SNX24: variants seen among roughly 807,000 people sequenced by gnomAD.
SNX24 encodes the protein sorting nexin 24.
A neutral mutation model predicts 28.7 loss-of-function variants in SNX24; 22 were observed. The ratio of observed to expected loss-of-function variants is 0.77; its 90% CI spans 0.55 to 1.10. The LOEUF (loss-of-function observed/expected upper bound fraction) is 1.10, where lower values mean the gene tolerates loss of function less well. SNX24 is among the 50% of genes least tolerant of loss of function. The probability of loss-of-function intolerance (pLI) is 0.00; values close to 1 mark genes in which losing one functional copy is unlikely to be tolerated. For missense variants in SNX24, 221 were observed against 201.1 expected (o/e 1.10, Z -0.60); for synonymous variants, 69 against 71.5 (o/e 0.96, Z 0.18).
chr5:122,900,810 T>G (rs1757409012), intron 1 of SNX24, among the ~76,000 whole-genome samples: 1 of 151,954 alleles, frequency 6.6e-6, no homozygotes, highest in African/African-American at 2.4e-5. Flanking sequence ...AGGGAAAGGA[T>G]AAAATGTTTT....
intron 3 of SNX24, among the ~76,000 whole-genome samples, chr5:122,960,980 G>A (rs79555125): frequency 0.039 from 5,888 of 152,212 alleles, 183 homozygotes; most frequent in East Asian, 0.1. Context: ...AATTATGGAT[G>A]TCTATATAAG....
At chr5:122,957,681 G>A (rs775943523) in intron 3 of SNX24, among the ~76,000 whole-genome samples, 2 of 152,090 alleles carry the variant, frequency 1.3e-5, no homozygotes, top group Non-Finnish European at 2.9e-5. Context: ...ACATTTATTT[G>A]TGTCTTCTTT....
intron 3 of SNX24, among the ~76,000 whole-genome samples, chr5:122,954,205 A>G (rs184140337): frequency 0.016 from 2,391 of 149,550 alleles, 31 homozygotes; most frequent in Non-Finnish European, 0.026. Context: ...CTCTATATAT[A>G]TATAGTTTTA....
chr5:123,012,154 C>T (rs182420900), downstream of SNX24, among the ~76,000 whole-genome samples: 3 of 152,302 alleles, frequency 2.0e-5, no homozygotes, highest in Non-Finnish European at 4.4e-5. Context: ...TTCCTGAGGC[C>T]TCCCCAGACA....
Position 123,028,710 on chromosome 5 carries a change from C to T in SNX24, n.384-528C>T, listed in dbSNP as rs569654074. ...GCTCTGGATTTCAACAGACTGGGTT[C>T]ATATACTGGCTTAACCTTAGATTTC... On this transcript the variant is annotated intron_variant and non_coding_transcript_variant, in intron 5 of 5. Transcript: ENST00000502387. 6.9e-6 allele frequency: 9 copies of T among 1,302,966 alleles called. No homozygotes were observed. In the South Asian group the frequency reaches 1.0e-4, roughly 15 times the overall value. 80.7% of individuals were successfully genotyped at this position (1,302,966 alleles called of 1,614,324 possible). A position where few individuals can be genotyped will look rare whatever the true frequency, so the allele number is the denominator to read the frequency against.
At chr5:122,852,354 T>A (rs981669975) in intron 1 of SNX24, among the ~76,000 whole-genome samples, 1 of 151,850 alleles carries the variant, frequency 6.6e-6, no homozygotes, top group South Asian at 2.1e-4. Flanking sequence ...GCTTCTTTTT[T>A]TTTTTTTGAC....
chr5:123,025,456 T>A (rs917815612), intron 5 of SNX24, among the ~76,000 whole-genome samples: 1 of 152,240 alleles, frequency 6.6e-6, no homozygotes, highest in Non-Finnish European at 1.5e-5. Context: ...TCAGAATGTC[T>A]TTCCTTTTGG....
At chr5:122,992,895 A>C (rs930351103) in intron 3 of SNX24, among the ~76,000 whole-genome samples, 1 of 151,902 alleles carries the variant, frequency 6.6e-6, no homozygotes, top group Admixed American at 6.6e-5. Context: ...TCCAAAGACT[A>C]TTGATTTTCC....
intron 1 of SNX24, among the ~76,000 whole-genome samples, chr5:122,909,273 C>G (rs246285): frequency 0.74 from 112,873 of 152,098 alleles, 42,450 homozygotes; most frequent in East Asian, 0.99. Flanking sequence ...GACTAAGATT[C>G]AGGGACACTT....
chr5:123,023,397 T>C (rs1206681800), intron 5 of SNX24: 2 of 152,302 alleles, frequency 1.3e-5, no homozygotes, highest in African/African-American at 4.8e-5. Flanking sequence ...TCTAAAAGTA[T>C]TTAATATAAA....
intron 3 of SNX24, among the ~76,000 whole-genome samples, chr5:122,972,288 C>G (rs1336931498): frequency 2.0e-5 from 3 of 152,158 alleles, no homozygotes; most frequent in Admixed American, 2.0e-4. Flanking sequence ...GAACAGAAAG[C>G]AAACATTTTG....
At chr5:122,926,375 T>G (rs1477620706) in intron 1 of SNX24, among the ~76,000 whole-genome samples, 1 of 152,086 alleles carries the variant, frequency 6.6e-6, no homozygotes, top group African/African-American at 2.4e-5. Flanking sequence ...AAATATAGAT[T>G]GCTGCAGGGC....
intron 3 of SNX24, among the ~76,000 whole-genome samples, chr5:122,954,004 A>C (rs1760083144): frequency 6.6e-6 from 1 of 152,162 alleles, no homozygotes; most frequent in Non-Finnish European, 1.5e-5. Flanking sequence ...CTATTACTTG[A>C]CTAGCCTGCC....
At chr5:122,882,708 C>A (rs2150062360) in intron 1 of SNX24, among the ~76,000 whole-genome samples, 2 of 152,206 alleles carry the variant, frequency 1.3e-5, no homozygotes, top group Non-Finnish European at 1.5e-5. Flanking sequence ...ATAATTTTTT[C>A]CCTTGAAAAA....
chr5:122,904,301 G>C (rs1378017598), intron 1 of SNX24, among the ~76,000 whole-genome samples: 1 of 151,968 alleles, frequency 6.6e-6, no homozygotes, highest in Non-Finnish European at 1.5e-5. Context: ...TCCTGTCTCA[G>C]CCTCCCCAGT....
intron 1 of SNX24, among the ~76,000 whole-genome samples, chr5:122,865,158 T>A (rs746648854): frequency 3.5e-4 from 54 of 152,240 alleles, no homozygotes; most frequent in Non-Finnish European, 7.5e-4. Context: ...TTTGAAATGT[T>A]TGACCAAATA....
intron 4 of SNX24, 26 bp from the exon 5 acceptor site, chr5:123,001,378 GT>G: frequency 6.5e-7 from 1 of 1,550,334 alleles, no homozygotes; most frequent in Non-Finnish European, 8.9e-7. Flanking sequence ...TGGTTTTTTT[GT>G]TTTTTTCCTT....
rs145974443 is a variant in SNX24 at position 122,867,700 on chromosome 5, C to G, written c.60+22007C>G. On this transcript the variant is annotated intron_variant, in intron 1 of 6. Transcript: ENST00000261369. ...TAGGCACAGAAGGAGTCATTTTATT[C>G]AAATCCTCATGATTATTAAAATCCT... 1.3e-3 allele frequency among the ~76,000 whole-genome samples: 192 copies of G among 152,266 alleles called. 1 individual carries two copies. The highest frequency in any genetic ancestry group is 1.3e-3 in the Non-Finnish European group (90 of 68,020).
chr5:122,970,629 C>T (rs940408162), intron 3 of SNX24, among the ~76,000 whole-genome samples: 4 of 152,138 alleles, frequency 2.6e-5, no homozygotes, highest in Non-Finnish European at 1.5e-5. Flanking sequence ...CCACCCCGCC[C>T]GGCTAATTTT....
Sources: allele counts gnomAD v4.1 joint callset (sites outside exome capture counted in the v4.1 genomes callset), GRCh38; gene constraint gnomAD v4.1.1; transcripts MANE v1.5; gene names NCBI Gene and HGNC (gene_info 2026-07-23, HGNC 2026-07-21).